The following THYN1 variants were observed in gnomAD, a reference collection of about 807,000 sequenced individuals.
THYN1 encodes the protein thymocyte nuclear protein 1.
In THYN1, 32 loss-of-function variants were observed where a neutral mutation model predicts 30.6. That is an observed-to-expected ratio of 1.05 (90% confidence interval 0.79 to 1.40). The LOEUF is 1.40. Among genes scored for constraint, THYN1 ranks in the 40% most tolerant of loss-of-function variants. The pLI, the probability that THYN1 is intolerant of heterozygous loss-of-function variation, is 0.00. For synonymous variants in THYN1, 107 were observed against 90.8 expected (o/e 1.18, Z -1.01); for missense variants, 259 against 272.6 (o/e 0.95, Z 0.35).
At position 134,249,790 on chromosome 11, in the gene THYN1, G is replaced by T. The variant is rs111453185; in HGVS notation, c.384+38C>A. 5.3e-3 allele frequency: 8,501 copies of T among 1,597,324 alleles called. 26 individuals are homozygous for T. Among genetic ancestry groups the T allele is most frequent in the Non-Finnish European group, 5.7e-3 (6,649 of 1,165,830 alleles). ...ATATCTACTTAAGTTAGTCTCCCTG[G>T]AGGAAAAGGGATTCACACCAAAACC... On this transcript the variant is annotated intron_variant, in intron 4 of 6. Coordinates refer to ENST00000341541, the MANE Select transcript of THYN1 (RefSeq NM_014174.3).
Position 134,251,150 on chromosome 11 carries a change from C to T in THYN1, c.202G>A (p.Glu68Lys). The change falls in exon 2 of 7, where the codon GAG becomes AAG. Residue 68 changes from glutamate (E) to lysine (K), a missense_variant. Glu to Lys is a moderately conservative substitution (Grantham distance 56). Transcript: ENST00000341541. Reference sequence around the variant, plus strand: ...CTCACCTTCACATCTACACCTTTCTCTAGGCGGCTCTCTGGCTCTGACTTC... The same window carrying T: ...CTCACCTTCACATCTACACCTTTCTTTAGGCGGCTCTCTGGCTCTGACTTC... Reference protein sequence around the residue: ...LMKSEPESRLEKGVDVKFSIE... With the variant: ...LMKSEPESRLKKGVDVKFSIE... 6.2e-7 allele frequency: 1 copy of T among 1,613,564 alleles called. No individual in the cohort carries two copies. Among genetic ancestry groups the T allele is most frequent in the Non-Finnish European group, 8.5e-7 (1 of 1,179,844 alleles).
At chr11:134,251,097 A>G in intron 2 of THYN1, 33 bp downstream of exon 2, 1 of 1,567,782 alleles carries the variant, frequency 6.4e-7, no homozygotes, top group East Asian at 2.3e-5. Flanking sequence ...AAAAAACACC[A>G]TGAAGGGACT....
Position 134,252,927 on chromosome 11 carries a change from C to A in THYN1, c.-45G>T. 1 of 1,536,324 alleles carries A rather than the reference C, an allele frequency of 6.5e-7. No homozygotes were observed. The highest frequency in any genetic ancestry group is 1.4e-5 in the African/African-American group (1 of 70,750). On this transcript the variant is annotated 5_prime_UTR_variant, in exon 1 of 7. Transcript: ENST00000341541. ...TTAGTGCGGACGATTCTGGAATCAA[C>A]GGAGATACAAGAAAGAATGCTAATG... is the stretch of plus-strand genomic sequence containing the variant.
chr11:134,249,130 C>G (rs1213941977), intron 5 of THYN1, 37 bp downstream of exon 5: 1 of 1,594,244 alleles, frequency 6.3e-7, no homozygotes, highest in Admixed American at 1.7e-5. Context: ...CCTGGTTCAT[C>G]CTTCCCCTGT....
rs776780998 is a variant in THYN1 at position 134,248,307 on chromosome 11, A to T, written c.*131T>A. The T allele has an allele frequency of 1.9e-6, 2 of 1,058,890 alleles. No homozygotes were observed. The highest frequency in any genetic ancestry group is 3.0e-6 in the Non-Finnish European group (2 of 673,788). 65.6% of individuals were successfully genotyped at this position (1,058,890 alleles called of 1,614,324 possible). A position where few individuals can be genotyped will look rare whatever the true frequency, so the allele number is the denominator to read the frequency against. ...TTCAACTTTGATATTTTATTGAAAAAAGTACACAAAAACCACTGAGGTACA... is the reference window on the plus strand; with the variant it reads ...TTCAACTTTGATATTTTATTGAAAATAGTACACAAAAACCACTGAGGTACA... On this transcript the variant is annotated 3_prime_UTR_variant, in exon 7 of 7. Coordinates refer to ENST00000341541, the MANE Select transcript of THYN1 (RefSeq NM_014174.3).
At chr11:134,252,669 A>G (rs183062320) in intron 1 of THYN1, among the ~76,000 whole-genome samples, 171 bp downstream of exon 1, 7 of 152,360 alleles carry the variant, frequency 4.6e-5, no homozygotes, top group Admixed American at 1.3e-4. Context: ...AAGGAACTGT[A>G]GGTAGGAGCT....
chr11:134,250,149 A>ATT (rs1310519625), intron 3 of THYN1, 126 bp downstream of exon 3: 13 of 1,095,928 alleles, frequency 1.2e-5, no homozygotes, highest in Non-Finnish European at 1.6e-5. Context: ...TTTTTAATAC[A>ATT]TTATCAGGTT....
In THYN1 at chr11:134,249,883, T is replaced by G. The variant is rs202133702; in HGVS notation, c.329A>C (p.Glu110Ala). Residue 110 changes from glutamate (E) to alanine (A), a missense_variant, in exon 4 of 7, where the codon GAA (glutamate) becomes GCA (alanine). By Grantham distance (107) the Glu-to-Ala change is moderately radical (BLOSUM62 -1). Transcript: ENST00000341541. Reference protein sequence around the residue: ...NFLRAMKLGEEAFFYHSNCKE... With the variant: ...NFLRAMKLGEAAFFYHSNCKE... The stretch of plus-strand genomic sequence containing the variant: ...GCAGTTGCTATGGTAGAAGAAGGCT[T>G]CTTCTCCCAGCTTCATGGCTCTAAG... The G allele has an allele frequency of 5.6e-5, 90 of 1,614,128 alleles. No individual in the cohort carries two copies. Among genetic ancestry groups the G allele is most frequent in the African/African-American group, 2.9e-4 (22 of 75,018 alleles).
intron 5 of THYN1, 71 bp from the exon 6 acceptor site, chr11:134,249,030 C>T: frequency 6.3e-7 from 1 of 1,588,364 alleles, no homozygotes; most frequent in Non-Finnish European, 8.6e-7. Context: ...TTTTAACCGC[C>T]CACAGGAAGC....
intron 1 of THYN1, chr11:134,251,529 AG>A (rs1170274217): frequency 1.9e-6 from 1 of 532,220 alleles, no homozygotes; most frequent in East Asian, 3.2e-5. Flanking sequence ...CAATAGGGTA[AG>A]AACACCTTAC....
In THYN1 at chr11:134,249,920, C is replaced by G; in HGVS notation, c.292G>C (p.Ala98Pro). ...TCWDGVRNYQ[A>P]RNFLRAMKLG... The stretch of plus-strand genomic sequence containing the variant: ...TTCATGGCTCTAAGGAAGTTCCGAG[C>G]CTGTCCCGGGAGAAGAAAGAGTAAC... The change falls in exon 4 of 7, where the codon GCT (alanine) becomes CCT (proline). Residue 98 changes from alanine to proline, a missense_variant and splice_region_variant. Coordinates refer to ENST00000341541, the MANE Select transcript of THYN1 (RefSeq NM_014174.3). The G allele has an allele frequency of 6.2e-7, 1 of 1,613,104 alleles. No individual in the cohort carries two copies. The highest frequency in any genetic ancestry group is 8.5e-7 in the Non-Finnish European group (1 of 1,179,466).
At chr11:134,248,547 T>C (rs1938895688) in intron 6 of THYN1, 63 bp from the exon 7 acceptor site, 2 of 1,592,096 alleles carry the variant, frequency 1.3e-6, no homozygotes, top group Middle Eastern at 1.7e-4. Context: ...AACAGGAAAG[T>C]TGTGCCAGGC....
rs765413239 is a variant in THYN1, at chr11:134,249,191, T to C, written c.456A>G (p.Lys152=). The C allele has an allele frequency of 6.2e-7, 1 of 1,614,056 alleles. No homozygotes were observed. ...KNNPHYDPSS[K]EDNPKWSMVD... is the part of the protein sequence containing the mutation. The stretch of plus-strand genomic sequence containing the variant: ...CCATGGACCACTTAGGGTTGTCCTC[T>C]TTGCTAGATGGGTCATAATGGGGAT... Residue 152 remains lysine (K), a synonymous_variant, in exon 5 of 7, where the codon AAA becomes AAG. Transcript: ENST00000341541.
At position 134,251,253 on chromosome 11, in the gene THYN1, A is replaced by C; in HGVS notation, c.99T>G (p.Ala33=). The change falls in exon 2 of 7, where the codon GCT becomes GCG. Residue 33 remains alanine (A), a synonymous_variant. Transcript: ENST00000341541. ...TKTENSGEAL[A]KVEDSNPQKT... ...TCTGAGGGTTGGAGTCCTCCACTTT[A>C]GCTAATGCCTCACCTGAGTTCTCAG... The C allele has an allele frequency of 6.2e-7, 1 of 1,614,132 alleles. No homozygotes were observed. The highest frequency in any genetic ancestry group is 8.5e-7 in the Non-Finnish European group (1 of 1,179,978).
Position 134,248,417 on chromosome 11 carries a change from A to G in THYN1, c.*21T>C. The G allele has an allele frequency of 1.2e-6, 2 of 1,614,130 alleles. No homozygotes were observed. Among genetic ancestry groups the G allele is most frequent in the African/African-American group, 1.3e-5 (1 of 75,018 alleles). On this transcript the variant is annotated 3_prime_UTR_variant, in exon 7 of 7. Coordinates refer to ENST00000341541, the MANE Select transcript of THYN1 (RefSeq NM_014174.3). ...ACTTCTTTGCAGCAATGTCTCGCCC[A>G]TTCCAGCAGCAGTATCTCAGTTAAC...
Position 134,252,979 on chromosome 11 carries a change from T to C in THYN1, c.-97A>G, listed in dbSNP as rs535544284. On this transcript the variant is annotated 5_prime_UTR_variant, in exon 1 of 7. Coordinates refer to ENST00000341541, the MANE Select transcript of THYN1 (RefSeq NM_014174.3). ...CCTCCAAAACCCGCGCAGAGCGAGA[T>C]GGAGGCAACGAGAGGCAGCCTAGAA... 2 of 1,490,270 alleles carry C rather than the reference T, an allele frequency of 1.3e-6. No individual in the cohort carries two copies. Among genetic ancestry groups the C allele is most frequent in the East Asian group, 4.9e-5 (2 of 41,172 alleles). 92.3% of individuals were successfully genotyped at this position (1,490,270 alleles called of 1,614,324 possible).
At chr11:134,251,357 G>A in intron 1 of THYN1, 49 bp from the exon 2 acceptor site, 1 of 1,556,660 alleles carries the variant, frequency 6.4e-7, no homozygotes, top group East Asian at 2.3e-5. Context: ...TAAAGGCAAT[G>A]TTTCATAATG....
In THYN1 at chr11:134,252,955, C is replaced by T. The variant is rs1444493156; in HGVS notation, c.-73G>A. On this transcript the variant is annotated 5_prime_UTR_variant, in exon 1 of 7. Coordinates refer to ENST00000341541, the MANE Select transcript of THYN1 (RefSeq NM_014174.3). ...AGATACAAGAAAGAATGCTAATGTC[C>T]TCCAAAACCCGCGCAGAGCGAGATG... 11 of 1,502,628 alleles carry T rather than the reference C, an allele frequency of 7.3e-6. No homozygotes were observed. In the South Asian group the frequency reaches 1.2e-4, roughly 16 times the overall value. The allele number at this position is 1,502,628 out of a possible 1,614,324, so 93.1% of individuals were successfully genotyped here. A position where few individuals can be genotyped will look rare whatever the true frequency, so the allele number is the denominator to read the frequency against.
rs1316068027 is a variant in THYN1 at position 134,253,250 on chromosome 11, T to C, written c.-368A>G. 1.5e-6 allele frequency: 2 copies of C among 1,325,518 alleles called. No individual in the cohort carries two copies. Among genetic ancestry groups the C allele is most frequent in the African/African-American group, 3.0e-5 (2 of 66,066 alleles). 82.1% of individuals were successfully genotyped at this position (1,325,518 alleles called of 1,614,324 possible). A position where few individuals can be genotyped will look rare whatever the true frequency, so the allele number is the denominator to read the frequency against. On this transcript the variant is annotated 5_prime_UTR_variant, in exon 1 of 7. Coordinates refer to ENST00000341541, the MANE Select transcript of THYN1 (RefSeq NM_014174.3). ...ACCTTGTTATCCTTGCTAATTAGGA[T>C]CAACTGAATGGATAATCTAGATGAT...
Sources: gnomAD v4.1 joint callset for allele counts (sites outside exome capture counted in the v4.1 genomes callset) on GRCh38, gnomAD v4.1.1 for gene constraint, MANE v1.5 for transcripts, NCBI Gene and HGNC (gene_info 2026-07-23, HGNC 2026-07-21) for gene names.